SLC30A6: variants seen among roughly 807,000 people sequenced by gnomAD.
The protein encoded by SLC30A6 is solute carrier family 30 member 6.
In SLC30A6, 55 loss-of-function variants were observed where a neutral mutation model predicts 63.0. The ratio of observed to expected loss-of-function variants is 0.87; its 90% confidence interval spans 0.70 to 1.09. The LOEUF is 1.09. Ranked by LOEUF, SLC30A6 falls within the 50% of genes least tolerant of loss-of-function variation. The probability of loss-of-function intolerance (pLI) is 0.00; values close to 1 mark genes in which losing one functional copy is unlikely to be tolerated. For synonymous variants in SLC30A6, 224 were observed against 186.1 expected (o/e 1.20, Z -1.66); for missense variants, 587 against 549.2 (o/e 1.07, Z -0.69).
At chr2:32,167,025 C>G (rs1292185468) in intron 1 of SLC30A6, among the ~76,000 whole-genome samples, 1 of 151,846 alleles carries the variant, frequency 6.6e-6, no homozygotes, top group Non-Finnish European at 1.5e-5. Flanking sequence ...TCCTGTTTAG[C>G]ATGGCATACA....
chr2:32,195,123 G>A (rs1347170620), intron 8 of SLC30A6, among the ~76,000 whole-genome samples: 6 of 112,224 alleles, frequency 5.3e-5, no homozygotes, highest in African/African-American at 2.1e-4. Context: ...TTTTTGAAAC[G>A]GAGTCTCACT....
chr2:32,176,591 G>C (rs1681764757), intron 4 of SLC30A6, among the ~76,000 whole-genome samples: 1 of 151,174 alleles, frequency 6.6e-6, no homozygotes, highest in South Asian at 2.1e-4. Context: ...CTGGGAGGCA[G>C]AGGTTGCAGT....
intron 8 of SLC30A6, among the ~76,000 whole-genome samples, chr2:32,194,490 G>C (rs536748658): frequency 1.3e-5 from 2 of 152,272 alleles, no homozygotes; most frequent in African/African-American, 2.4e-5. Flanking sequence ...TACAACTTCA[G>C]ACTGATTTTT....
At chr2:32,184,158 T>C in intron 4 of SLC30A6, 115 bp from the exon 5 acceptor site, 1 of 361,330 alleles carries the variant, frequency 2.8e-6, no homozygotes, top group East Asian at 4.6e-5. Context: ...TTATTATTAA[T>C]TTAGTCTGTG....
chr2:32,192,473 AAG>A, intron 6 of SLC30A6, 57 bp downstream of exon 6: 1 of 1,464,320 alleles, frequency 6.8e-7, no homozygotes, highest in Non-Finnish European at 9.5e-7. Flanking sequence ...GGGAACATGA[AAG>A]AAACCCGTCA....
chr2:32,203,874 T>A (rs1200413011), intron 10 of SLC30A6: 15 of 1,058,326 alleles, frequency 1.4e-5, no homozygotes, highest in Non-Finnish European at 2.2e-5. Context: ...GATCAGGTGG[T>A]CGATCTGGCA....
chr2:32,195,544 C>T (rs188012951), intron 8 of SLC30A6, among the ~76,000 whole-genome samples: 11 of 151,680 alleles, frequency 7.3e-5, no homozygotes, highest in African/African-American at 2.2e-4. Context: ...AGATCAACTT[C>T]GTCTGCATTT....
chr2:32,192,901 A>C lies in SLC30A6; in HGVS notation c.366-17A>C, dbSNP rs756793837. On this transcript the variant is annotated splice_polypyrimidine_tract_variant and intron_variant, in intron 6 of 13. Transcript: ENST00000282587. ...ATAATTTATAGGACTTATTTAATAT[A>C]TTTTTATTTCTTATAGTGCAGAACG... is the stretch of plus-strand genomic sequence containing the variant. 2.1e-5 allele frequency: 30 copies of C among 1,459,222 alleles called. No homozygotes were observed. In the African/African-American group the frequency reaches 2.7e-4, roughly 13 times the overall value. 90.4% of individuals were successfully genotyped at this position (1,459,222 alleles called of 1,614,324 possible).
intron 7 of SLC30A6, 77 bp downstream of exon 7, chr2:32,193,030 A>G (rs1030679411): frequency 3.1e-6 from 3 of 972,188 alleles, no homozygotes; most frequent in African/African-American, 1.7e-5. Flanking sequence ...CAGTTGGCCA[A>G]TGTCAGATTT....
chr2:32,203,852 GC>G (rs1684508094), intron 10 of SLC30A6: 1 of 1,249,468 alleles, frequency 8.0e-7, no homozygotes, highest in Non-Finnish European at 1.2e-6. Flanking sequence ...TGGTCAAGTG[GC>G]CAGTCGGGCC....
Position 32,224,327 on chromosome 2 carries a change from C to A in SLC30A6, c.*3614C>A. On this transcript the variant is annotated 3_prime_UTR_variant, in exon 14 of 14. Transcript: ENST00000282587. ...TAATCCTAGTAGGAGAGCTAAGACACAAAACTGTTGCATGTTTTTAATCAT... is the reference window on the plus strand; with the variant it reads ...TAATCCTAGTAGGAGAGCTAAGACAAAAAACTGTTGCATGTTTTTAATCAT... The A allele has an allele frequency of 1.7e-6, 1 of 600,176 alleles. No homozygotes were observed. 37.2% of individuals were successfully genotyped at this position (600,176 alleles called of 1,614,324 possible).
rs776062854 is a variant in SLC30A6, at chr2:32,192,298, A to G, written c.285-38A>G. The stretch of plus-strand genomic sequence containing the variant: ...TCTAGAGAGACTGGTTTGTGAATTG[A>G]AAGAATTGTGATGATCTAATTAATG... On this transcript the variant is annotated intron_variant, in intron 5 of 13. Coordinates refer to ENST00000282587, the MANE Select transcript of SLC30A6 (RefSeq NM_017964.5). 3 of 1,584,798 alleles carry G rather than the reference A, an allele frequency of 1.9e-6. No individual in the cohort carries two copies. The East Asian group carries it at 6.7e-5, about 35-fold the overall frequency.
intron 7 of SLC30A6, 129 bp downstream of exon 7, chr2:32,193,082 C>A: frequency 1.8e-6 from 1 of 542,764 alleles, no homozygotes; most frequent in Non-Finnish European, 3.2e-6. Context: ...ATTTCACAAA[C>A]AAAATTCCCT....
chr2:32,196,172 G>A (rs1205320288), intron 8 of SLC30A6, among the ~76,000 whole-genome samples: 2 of 152,000 alleles, frequency 1.3e-5, no homozygotes, highest in African/African-American at 2.4e-5. Context: ...AAAATTAGCC[G>A]GGCATGGTGG....
chr2:32,207,795 A>G (rs212682), intron 12 of SLC30A6, among the ~76,000 whole-genome samples: 105,559 of 147,002 alleles, frequency 0.72, 37,971 homozygotes, highest in African/African-American at 0.76. Flanking sequence ...CCGCCTCCTG[A>G]GTTCAAGTGA....
chr2:32,179,827 A>G (rs1468249205), intron 4 of SLC30A6, among the ~76,000 whole-genome samples: 1 of 152,236 alleles, frequency 6.6e-6, no homozygotes, highest in African/African-American at 2.4e-5. Context: ...AAACAAACTG[A>G]TAATAATAGG....
At chr2:32,173,487 C>A (rs1168533500) in intron 2 of SLC30A6, among the ~76,000 whole-genome samples, 1 of 151,930 alleles carries the variant, frequency 6.6e-6, no homozygotes, top group African/African-American at 2.4e-5. Context: ...GATTCTCCTG[C>A]CTCAGCCTCC....
At chr2:32,196,985 G>T (rs1426241128) in intron 8 of SLC30A6, among the ~76,000 whole-genome samples, 2 of 152,118 alleles carry the variant, frequency 1.3e-5, no homozygotes. Context: ...GCTTGAACGC[G>T]GGAGACAGAG....
intron 5 of SLC30A6, among the ~76,000 whole-genome samples, chr2:32,190,772 G>T (rs750637269): frequency 6.6e-6 from 1 of 151,954 alleles, no homozygotes; most frequent in African/African-American, 2.4e-5. Flanking sequence ...TTACAGGCCC[G>T]CACCACCACG....
Sources: allele counts gnomAD v4.1 joint callset (sites outside exome capture counted in the v4.1 genomes callset), GRCh38; gene constraint gnomAD v4.1.1; transcripts MANE v1.5; gene names NCBI Gene and HGNC (gene_info 2026-07-23, HGNC 2026-07-21).